Variants in SVEP1 observed in about 807,000 individuals in gnomAD.
The protein encoded by SVEP1 is sushi, von Willebrand factor type A, EGF and pentraxin domain containing 1, also known as sushi, von Willebrand factor type A, EGF and pentraxin domain-containing protein 1.
SVEP1 carries 164 observed loss-of-function variants against 367.3 expected under a neutral mutation model. That is an observed-to-expected ratio of 0.45 (90% CI 0.39 to 0.51). The LOEUF (loss-of-function observed/expected upper bound fraction) is 0.51. Among genes scored for constraint, SVEP1 ranks in the 20% least tolerant of loss-of-function variants. SVEP1 has a pLI of 0.00. For missense variants in SVEP1, 4,117 were observed against 4,425.3 expected, an observed-to-expected ratio of 0.93 and a Z score of 1.98; for synonymous variants, 1,666 against 1,611.6, an observed-to-expected ratio of 1.03 and a Z score of -0.81.
intron 9 of SVEP1, among the ~76,000 whole-genome samples, chr9:110,486,734 G>A (rs1051777235): frequency 1.4e-4 from 21 of 150,298 alleles, no homozygotes; most frequent in African/African-American, 3.2e-4. Flanking sequence ...TGCAACCTCC[G>A]TCTCCCGGAT....
intron 30 of SVEP1, among the ~76,000 whole-genome samples, chr9:110,432,914 G>A (rs1828373270): frequency 6.6e-6 from 1 of 152,210 alleles, no homozygotes; most frequent in Non-Finnish European, 1.5e-5. Flanking sequence ...ATGTTGAAAT[G>A]TGATCCCCAA....
chr9:110,557,813 A>AC (rs1245939774), intron 1 of SVEP1, among the ~76,000 whole-genome samples: 10 of 152,122 alleles, frequency 6.6e-5, no homozygotes, highest in Admixed American at 2.6e-4. Context: ...GAAGAGGTTA[A>AC]CCCTCTTATT....
intron 24 of SVEP1, among the ~76,000 whole-genome samples, chr9:110,447,992 A>G (rs1183423054): frequency 1.3e-5 from 2 of 152,240 alleles, no homozygotes; most frequent in Admixed American, 6.5e-5. Context: ...AAGAATATGT[A>G]TGTTATGATA....
chr9:110,445,771 A>T, intron 26 of SVEP1, 66 bp downstream of exon 26: 1 of 1,561,848 alleles, frequency 6.4e-7, no homozygotes, highest in South Asian at 1.1e-5. Flanking sequence ...TCCCATCCTC[A>T]ATGTCAGTTC....
intron 26 of SVEP1, among the ~76,000 whole-genome samples, chr9:110,445,037 C>T (rs1283749851): frequency 3.9e-5 from 6 of 152,144 alleles, no homozygotes; most frequent in Admixed American, 1.3e-4. Flanking sequence ...AGTAGGCCAA[C>T]GATTTCAGTG....
At chr9:110,538,222 AT>A (rs1191677994) in intron 3 of SVEP1, among the ~76,000 whole-genome samples, 1 of 152,032 alleles carries the variant, frequency 6.6e-6, no homozygotes, top group East Asian at 1.9e-4. Context: ...AACTAGCCTG[AT>A]TTAGGCAACA....
intron 40 of SVEP1, among the ~76,000 whole-genome samples, chr9:110,390,879 T>C (rs7847265): frequency 0.73 from 111,463 of 152,070 alleles, 41,223 homozygotes; most frequent in East Asian, 0.9. Flanking sequence ...AAGAAACTTC[T>C]GTGTAGACAT....
chr9:110,479,833 G>T, intron 12 of SVEP1, 77 bp from the exon 13 acceptor site: 1 of 1,521,168 alleles, frequency 6.6e-7, no homozygotes, highest in Non-Finnish European at 8.9e-7. Flanking sequence ...TGAAATAATT[G>T]AAACAATGTT....
chr9:110,472,241 G>A lies in SVEP1; in HGVS notation c.2682C>T (p.Ser894=), dbSNP rs1829030815. 6.2e-7 allele frequency: 1 copy of A among 1,613,654 alleles called. No homozygotes were observed. The highest frequency in any genetic ancestry group is 8.5e-7 in the Non-Finnish European group (1 of 1,179,812). The change falls in exon 15 of 48, where the codon AGC becomes AGT. Residue 894 remains serine (S), a synonymous_variant. Coordinates refer to ENST00000374469, the MANE Select transcript of SVEP1 (RefSeq NM_153366.4). ...FLDTVQETAT[S]IGNAKSSRIK... ...TCCGTGAGGACTTGGCATTGCCGAT[G>A]CTTGTGGCTGTTTCTTGCACAGTGT...
intron 1 of SVEP1, among the ~76,000 whole-genome samples, chr9:110,572,285 GC>G (rs1830573402): frequency 6.6e-6 from 1 of 152,112 alleles, no homozygotes; most frequent in Non-Finnish European, 1.5e-5. Context: ...CTACCCTTTG[GC>G]CACAGCTGTG....
intron 40 of SVEP1, among the ~76,000 whole-genome samples, chr9:110,390,033 AT>A (rs1181705084): frequency 9.7e-6 from 1 of 103,000 alleles, no homozygotes; most frequent in East Asian, 5.0e-4. Context: ...GTGTGTATAT[AT>A]ATATAAGTAT....
At chr9:110,396,859 C>G (rs1355220617) in intron 40 of SVEP1, among the ~76,000 whole-genome samples, 1 of 149,562 alleles carries the variant, frequency 6.7e-6, no homozygotes, top group Admixed American at 6.7e-5. Flanking sequence ...CAATAGCTTA[C>G]CAACCAAGAA....
chr9:110,378,111 AATCTATCTT>A (rs1442655075), intron 44 of SVEP1, among the ~76,000 whole-genome samples: 1 of 134,936 alleles, frequency 7.4e-6, no homozygotes, highest in Non-Finnish European at 1.7e-5. Flanking sequence ...ATGTCTATCT[AATCTATCTT>A]CTTAATCATC....
chr9:110,431,095 AG>A (rs1336048927), intron 32 of SVEP1, among the ~76,000 whole-genome samples: 1 of 152,242 alleles, frequency 6.6e-6, no homozygotes, highest in African/African-American at 2.4e-5. Context: ...AAATTCTTAA[AG>A]TAAATGCAAT....
At chr9:110,455,466 G>T in intron 22 of SVEP1, 124 bp downstream of exon 22, 1 of 686,264 alleles carries the variant, frequency 1.5e-6, no homozygotes, top group Non-Finnish European at 2.3e-6. Context: ...TAGAAAATAT[G>T]CTTCTTCAAT....
intron 36 of SVEP1, among the ~76,000 whole-genome samples, chr9:110,423,643 G>A (rs887039962): frequency 1.3e-5 from 2 of 151,846 alleles, no homozygotes; most frequent in African/African-American, 2.4e-5. Flanking sequence ...GGACTCTAAA[G>A]GAAACAACTG....
intron 18 of SVEP1, among the ~76,000 whole-genome samples, chr9:110,464,234 G>T (rs1414213804): frequency 6.6e-6 from 1 of 152,164 alleles, no homozygotes; most frequent in Non-Finnish European, 1.5e-5. Context: ...AAGATCCAAA[G>T]CTGGTATTAT....
At chr9:110,503,424 A>G (rs1164249173) in intron 5 of SVEP1, among the ~76,000 whole-genome samples, 1 of 152,192 alleles carries the variant, frequency 6.6e-6, no homozygotes, top group African/African-American at 2.4e-5. Context: ...AAATAATATC[A>G]TCGCATGCAG....
rs1379554643 is a variant in SVEP1, at chr9:110,434,526, G to A, written c.4889-20C>T. On this transcript the variant is annotated intron_variant, in intron 29 of 47. Transcript: ENST00000374469. ...GGCAATCTGAGGGCAAAGAACACAG[G>A]TGCAGAGCTTGTCAGCGGCATAGTG... 1 of 1,608,318 alleles carries A rather than the reference G, an allele frequency of 6.2e-7. No homozygotes were observed. The highest frequency in any genetic ancestry group is 8.5e-7 in the Non-Finnish European group (1 of 1,176,724).
Sources: allele counts gnomAD v4.1 joint callset (sites outside exome capture counted in the v4.1 genomes callset), GRCh38; gene constraint gnomAD v4.1.1; transcripts MANE v1.5; gene names NCBI Gene and HGNC (gene_info 2026-07-23, HGNC 2026-07-21).